The following SH3TC1 variants were observed in gnomAD, a reference collection of about 807,000 sequenced individuals.
The protein encoded by SH3TC1 is SH3 domain and tetratricopeptide repeats 1.
In SH3TC1, 135 loss-of-function variants were observed where a neutral mutation model predicts 117.3. The ratio of observed to expected loss-of-function variants is 1.15; its 90% CI spans 1.00 to 1.33. The LOEUF (loss-of-function observed/expected upper bound fraction) is 1.33. SH3TC1 is among the 40% of genes most tolerant of loss of function. The pLI, the probability that SH3TC1 is intolerant of heterozygous loss-of-function variation, is 0.00. For synonymous variants in SH3TC1, 898 were observed against 816.9 expected (o/e 1.10, Z -1.69); for missense variants, 2,092 against 1,794.3 (o/e 1.17, Z -3.00).
Position 8,200,234 on chromosome 4 carries a change from C to T in SH3TC1, c.-29+829C>T, listed in dbSNP as rs548549988. On this transcript the variant is annotated intron_variant, in intron 1 of 17. Coordinates refer to ENST00000245105, the MANE Select transcript of SH3TC1 (RefSeq NM_018986.5). Reference sequence around the variant, plus strand: ...GGCCACTCAGGGTGTGGCCTCCCAGCGCCAGGCAGCGGGGCTGCGGCTGAG... The same window carrying T: ...GGCCACTCAGGGTGTGGCCTCCCAGTGCCAGGCAGCGGGGCTGCGGCTGAG... Among the ~76,000 whole-genome samples the T allele has an allele frequency of 2.0e-3, 307 of 152,346 alleles. 1 individual carries two copies. The highest frequency in any genetic ancestry group is 5.7e-3 in the African/African-American group (239 of 41,580).
chr4:8,193,096 G>A (rs1717464851), intron 1 of SH3TC1, among the ~76,000 whole-genome samples: 1 of 152,236 alleles, frequency 6.6e-6, no homozygotes, highest in Admixed American at 6.5e-5. Flanking sequence ...TGCTGTAAGG[G>A]CAGGGTTGTG....
chr4:8,239,036 C>T (rs949838423), intron 17 of SH3TC1, among the ~76,000 whole-genome samples: 6 of 152,146 alleles, frequency 3.9e-5, no homozygotes, highest in South Asian at 2.1e-4. Flanking sequence ...CAGAGAAAGC[C>T]GGTTTGGATG....
chr4:8,223,915 G>A (rs1030844117), intron 10 of SH3TC1, among the ~76,000 whole-genome samples: 3 of 151,248 alleles, frequency 2.0e-5, no homozygotes, highest in African/African-American at 7.3e-5. Flanking sequence ...GATTACAGCT[G>A]TGAGCCACTG....
intron 14 of SH3TC1, among the ~76,000 whole-genome samples, chr4:8,234,640 C>T (rs916894842): frequency 6.6e-6 from 1 of 152,226 alleles, no homozygotes; most frequent in Non-Finnish European, 1.5e-5. Flanking sequence ...TTTATCCATC[C>T]ATCCACTCAT....
intron 10 of SH3TC1, 97 bp downstream of exon 10, chr4:8,223,067 T>C: frequency 6.8e-7 from 1 of 1,475,658 alleles, no homozygotes; most frequent in Admixed American, 2.2e-5. Flanking sequence ...TGCCAGCCCC[T>C]GGATGCTGAA....
At chr4:8,214,644 C>A in intron 5 of SH3TC1, 64 bp downstream of exon 5, 3 of 1,202,696 alleles carry the variant, frequency 2.5e-6, no homozygotes, top group Non-Finnish European at 2.4e-6. Context: ...TGGTTACACA[C>A]CGTGCACTTA....
chr4:8,187,125 C>T (rs1250348788), intron 1 of SH3TC1, among the ~76,000 whole-genome samples: 2 of 152,190 alleles, frequency 1.3e-5, no homozygotes, highest in Non-Finnish European at 2.9e-5. Context: ...TATCCTCACT[C>T]GTACCCTCTG....
intron 7 of SH3TC1, among the ~76,000 whole-genome samples, chr4:8,217,883 A>G (rs1436696458): frequency 2.0e-5 from 3 of 152,210 alleles, no homozygotes; most frequent in Non-Finnish European, 4.4e-5. Flanking sequence ...GTTATATGGC[A>G]AAGTCACAGT....
In SH3TC1 at chr4:8,188,377, C is replaced by G. The variant is rs547821124; in HGVS notation, c.-57+6167C>G. ...GCAGGTTGGATCTGGGCAACACCGC[C>G]TGCTGACCCTGCCCCACTGAATAAT... is the stretch of plus-strand genomic sequence containing the variant. On this transcript the variant is annotated intron_variant, in intron 1 of 16. Coordinates refer to the SH3TC1 transcript ENST00000508641. Among the ~76,000 whole-genome samples, 11 of 152,356 alleles carry G rather than the reference C, an allele frequency of 7.2e-5. No individual in the cohort carries two copies. The South Asian group carries it at 2.1e-3, about 29-fold the overall frequency.
rs1408388184 is a variant in SH3TC1 at position 8,228,286 on chromosome 4, G to T, written c.2592G>T (p.Val864=). The T allele has an allele frequency of 7.4e-6, 12 of 1,612,244 alleles. No homozygotes were observed. The highest frequency in any genetic ancestry group is 1.0e-5 in the Non-Finnish European group (12 of 1,179,902). ...TGGCCAGCGAGGACCAGGAGGGCGT[G>T]ATTGCCAACATGGTGGCCGTGGCTC... ...AVVASEDQEG[V]IANMVAVALK... is the part of the protein sequence containing the mutation. Residue 864 remains valine, a synonymous_variant, in exon 12 of 18, where the codon GTG becomes GTT. Coordinates refer to ENST00000245105, the MANE Select transcript of SH3TC1 (RefSeq NM_018986.5).
chr4:8,219,720 T>C (rs911304767), intron 9 of SH3TC1, among the ~76,000 whole-genome samples, 190 bp downstream of exon 9: 1 of 152,198 alleles, frequency 6.6e-6, no homozygotes, highest in Non-Finnish European at 1.5e-5. Flanking sequence ...CCTGGCGTCC[T>C]TTCTCCGGGC....
intron 1 of SH3TC1, among the ~76,000 whole-genome samples, chr4:8,201,996 G>C (rs182545999): frequency 1.3e-5 from 2 of 152,194 alleles, no homozygotes; most frequent in African/African-American, 4.8e-5. Flanking sequence ...AAGGTCAGGC[G>C]TTCGGAGCGA....
chr4:8,183,469 G>A lies in SH3TC1; in HGVS notation c.-57+1259G>A, dbSNP rs1337761593. 6.6e-6 allele frequency among the ~76,000 whole-genome samples: 1 copy of A among 152,216 alleles called. No homozygotes were observed. The highest frequency in any genetic ancestry group is 1.5e-5 in the Non-Finnish European group (1 of 68,034). On this transcript the variant is annotated intron_variant, in intron 1 of 16. Coordinates refer to the SH3TC1 transcript ENST00000508641. The surrounding 1 kb of genome is among the most constrained non-coding windows in gnomAD (Gnocchi z 5.4). The stretch of plus-strand genomic sequence containing the variant: ...AGGGAGGCTCCCGGGCTGGCCTGAG[G>A]CCCATGGCAAGCAGCCCCACCCAAG...
In SH3TC1 at chr4:8,190,764, C is replaced by A. The variant is rs935911967; in HGVS notation, c.-57+8554C>A. Among the ~76,000 whole-genome samples, 11 of 152,140 alleles carry A rather than the reference C, an allele frequency of 7.2e-5. No homozygotes were observed. The highest frequency in any genetic ancestry group is 2.4e-4 in the African/African-American group (10 of 41,430). On this transcript the variant is annotated intron_variant, in intron 1 of 16. Coordinates refer to the SH3TC1 transcript ENST00000508641. This position sits in a 1 kb window ranked among gnomAD's most constrained non-coding sequence, Gnocchi z 4.7. ...CAAGCAATGCTCCCACCTCAGCCTC[C>A]CGAGCAGCTGGGACTACAGGCACGC...
chr4:8,230,914 G>A (rs1721140650), intron 12 of SH3TC1, among the ~76,000 whole-genome samples: 2 of 151,828 alleles, frequency 1.3e-5, no homozygotes, highest in South Asian at 4.2e-4. Flanking sequence ...TGAGTAGCTG[G>A]GATTACAGAC....
chr4:8,227,392 G>C lies in SH3TC1; in HGVS notation c.1698G>C (p.Leu566=). The change falls in exon 12 of 18, where the codon CTG becomes CTC. Residue 566 remains leucine (L), a synonymous_variant. Coordinates refer to ENST00000245105, the MANE Select transcript of SH3TC1 (RefSeq NM_018986.5). ...CCCTGGCCAGGCTCTGCTTCCTCCT[G>C]GGGCGGCTGTGCAGCAGGAGGCTCA... The part of the protein sequence containing the change: ...LMALARLCFL[L]GRLCSRRLKL... 6.4e-7 allele frequency: 1 copy of C among 1,553,548 alleles called. No homozygotes were observed. Among genetic ancestry groups the C allele is most frequent in the Non-Finnish European group, 8.7e-7 (1 of 1,150,632 alleles).
chr4:8,231,868 G>C (rs1721251971), intron 12 of SH3TC1, 108 bp from the exon 13 acceptor site: 9 of 1,333,826 alleles, frequency 6.7e-6, no homozygotes, highest in Non-Finnish European at 9.3e-6. Flanking sequence ...GTGGGGCCCA[G>C]GCTCACAGAG....
intron 9 of SH3TC1, among the ~76,000 whole-genome samples, chr4:8,220,391 G>C (rs1388896683): frequency 1.3e-5 from 2 of 151,972 alleles, no homozygotes; most frequent in Non-Finnish European, 2.9e-5. Context: ...CTCCTCTGGG[G>C]GGGGCACTCT....
At chr4:8,204,340 G>A (rs1163159928) in intron 1 of SH3TC1, among the ~76,000 whole-genome samples, 4 of 152,182 alleles carry the variant, frequency 2.6e-5, no homozygotes, top group Non-Finnish European at 4.4e-5. Flanking sequence ...CCAAGCAGGG[G>A]CAGCAGAGCC....
Sources: gnomAD v4.1 joint callset for allele counts (sites outside exome capture counted in the v4.1 genomes callset) on GRCh38, gnomAD v4.1.1 for gene constraint, Gnocchi (gnomAD v3.1) non-coding constraint, MANE v1.5 for transcripts, NCBI Gene and HGNC (gene_info 2026-07-23, HGNC 2026-07-21) for gene names.